PARP8: variants seen among roughly 807,000 people sequenced by gnomAD.
PARP8 encodes the protein protein mono-ADP-ribosyltransferase PARP8.
PARP8 carries 51 observed loss-of-function variants against 124.1 expected under a neutral mutation model. The ratio of observed to expected loss-of-function variants is 0.41; its 90% CI spans 0.33 to 0.52. PARP8 has a LOEUF of 0.52. PARP8 is among the 20% of genes least tolerant of loss of function. PARP8 has a pLI of 0.21. For missense variants in PARP8, 860 were observed against 1,018.9 expected (o/e 0.84, Z 2.12); for synonymous variants, 391 against 361.5 (o/e 1.08, Z -0.93).
At chr5:50,761,622 A>G (rs1230569557) in intron 5 of PARP8, among the ~76,000 whole-genome samples, 199 bp from the exon 6 acceptor site, 5 of 152,110 alleles carry the variant, frequency 3.3e-5, no homozygotes, top group Admixed American at 3.3e-4. Flanking sequence ...GAGAACTTTT[A>G]AAACAGGTGT....
At chr5:50,775,084 T>G (rs562387508) in intron 7 of PARP8, among the ~76,000 whole-genome samples, 11 of 122,442 alleles carry the variant, frequency 9.0e-5, no homozygotes, top group East Asian at 2.4e-4. Context: ...TGGGGCGGCC[T>G]GGCAGAGGGG....
intron 2 of PARP8, among the ~76,000 whole-genome samples, chr5:50,737,990 G>C (rs1757646255): frequency 6.6e-6 from 1 of 152,124 alleles, no homozygotes; most frequent in Non-Finnish European, 1.5e-5. Flanking sequence ...AACATGTTCT[G>C]AAAGCTTAAT....
intron 5 of PARP8, among the ~76,000 whole-genome samples, chr5:50,761,224 T>C (rs1760505413): frequency 6.6e-6 from 1 of 152,062 alleles, no homozygotes; most frequent in South Asian, 2.1e-4. Flanking sequence ...TGTTTGTACT[T>C]CAGACACATG....
intron 2 of PARP8, among the ~76,000 whole-genome samples, chr5:50,685,918 T>A (rs1238707911): frequency 1.3e-5 from 2 of 152,030 alleles, no homozygotes; most frequent in African/African-American, 2.4e-5. Flanking sequence ...TCCCACTGGG[T>A]CCCTCCCACA....
intron 21 of PARP8, 107 bp from the exon 22 acceptor site, chr5:50,829,785 T>C: frequency 9.0e-7 from 1 of 1,111,020 alleles, no homozygotes; most frequent in Non-Finnish European, 1.2e-6. Context: ...AGCTCTGTCA[T>C]TTTTTTGTAA....
chr5:50,796,939 C>CA (rs1419999903), intron 12 of PARP8, 43 bp from the exon 13 acceptor site: 1 of 1,519,602 alleles, frequency 6.6e-7, no homozygotes, highest in Admixed American at 1.8e-5. Context: ...TACATTTTTA[C>CA]ATTTAAAAAA....
chr5:50,727,344 C>T (rs1756530842), intron 2 of PARP8, among the ~76,000 whole-genome samples: 1 of 152,108 alleles, frequency 6.6e-6, no homozygotes, highest in Non-Finnish European at 1.5e-5. Context: ...CCCGCTCCTG[C>T]TCCCACTTCC....
chr5:50,785,049 AT>A (rs1286117994), intron 9 of PARP8, among the ~76,000 whole-genome samples: 66 of 151,888 alleles, frequency 4.3e-4, no homozygotes, highest in Non-Finnish European at 6.3e-4. Flanking sequence ...AATTACATTT[AT>A]TTTAATAATA....
chr5:50,674,424 A>G (rs1750382036), intron 2 of PARP8, among the ~76,000 whole-genome samples: 2 of 152,192 alleles, frequency 1.3e-5, no homozygotes, highest in African/African-American at 4.8e-5. Context: ...CATTTAGCCC[A>G]TGCCCTGTTG....
intron 2 of PARP8, among the ~76,000 whole-genome samples, chr5:50,722,919 T>G (rs1756047069): frequency 6.6e-6 from 1 of 152,126 alleles, no homozygotes; most frequent in Admixed American, 6.6e-5. Flanking sequence ...CTTCTCTAAT[T>G]GTGTTGCTTT....
At chr5:50,727,113 C>T (rs1756505956) in intron 2 of PARP8, among the ~76,000 whole-genome samples, 1 of 152,108 alleles carries the variant, frequency 6.6e-6, no homozygotes, top group African/African-American at 2.4e-5. Flanking sequence ...TTGTGAGGGA[C>T]AGGGCATAGC....
Position 50,834,025 on chromosome 5 carries a change from T to TA in PARP8, c.2358dup (p.Cys787MetfsTer6). The TA allele has an allele frequency of 6.2e-7, 1 of 1,612,522 alleles. No individual in the cohort carries two copies. Among genetic ancestry groups the TA allele is most frequent in the Non-Finnish European group, 8.5e-7 (1 of 1,178,944 alleles). On this transcript the variant is annotated frameshift_variant, in exon 24 of 26. Transcript: ENST00000281631. LOFTEE classifies it high-confidence loss of function. ...TCCCAATTCCTGCAAAGCCGTAACT[T>TA]AAAATGCATAGCCTTATGTGAAGGT...
At chr5:50,683,386 T>C (rs982560004) in intron 2 of PARP8, among the ~76,000 whole-genome samples, 4 of 152,192 alleles carry the variant, frequency 2.6e-5, no homozygotes, top group African/African-American at 7.2e-5. Flanking sequence ...ATTCATTCCT[T>C]ATTCATTCAT....
chr5:50,754,150 T>TATATATATATATACACACACAC (rs1312947286), intron 3 of PARP8, among the ~76,000 whole-genome samples: 1 of 37,222 alleles, frequency 2.7e-5, no homozygotes, highest in African/African-American at 1.2e-4. Flanking sequence ...TATATATATA[T>TATATATATATATACACACACAC]ACACACACAC....
intron 2 of PARP8, among the ~76,000 whole-genome samples, chr5:50,719,459 G>A (rs1273652091): frequency 1.3e-5 from 2 of 151,974 alleles, no homozygotes; most frequent in Non-Finnish European, 1.5e-5. Context: ...ATAGTTTCAG[G>A]TCTTAGATTT....
At chr5:50,736,876 A>C (rs1398046859) in intron 2 of PARP8, among the ~76,000 whole-genome samples, 1 of 152,124 alleles carries the variant, frequency 6.6e-6, no homozygotes, top group African/African-American at 2.4e-5. Flanking sequence ...TTAACCATGT[A>C]GGCTTCTTGG....
At chr5:50,695,313 C>G (rs1395004631) in intron 2 of PARP8, among the ~76,000 whole-genome samples, 1 of 152,174 alleles carries the variant, frequency 6.6e-6, no homozygotes, top group Admixed American at 6.5e-5. Context: ...GTAGGTGTCA[C>G]CATGACCTGA....
In PARP8 at chr5:50,766,069, C is replaced by A. The variant is rs79623540; in HGVS notation, c.518+2827C>A. On this transcript the variant is annotated intron_variant, in intron 7 of 25. Coordinates refer to ENST00000281631, the MANE Select transcript of PARP8 (RefSeq NM_024615.4). ...AAGAGATGGAAGTAACTGAGATTGC[C>A]TAGGCAAAATCCTGAGATTATTGAG... Among the ~76,000 whole-genome samples, 840 of 152,188 alleles carry A rather than the reference C, an allele frequency of 5.5e-3. 7 individuals are homozygous for A. Among genetic ancestry groups the A allele is most frequent in the African/African-American group, 0.019 (786 of 41,516 alleles).
chr5:50,811,275 G>A (rs1025024622), intron 14 of PARP8, among the ~76,000 whole-genome samples: 1 of 152,012 alleles, frequency 6.6e-6, no homozygotes, highest in Non-Finnish European at 1.5e-5. Flanking sequence ...TTCAAGATTG[G>A]AATATAAACA....
Sources: gnomAD v4.1 joint callset for allele counts (sites outside exome capture counted in the v4.1 genomes callset) on GRCh38, gnomAD v4.1.1 for gene constraint, MANE v1.5 for transcripts, NCBI Gene and HGNC (gene_info 2026-07-23, HGNC 2026-07-21) for gene names.